Variants in CDH13 observed in about 807,000 individuals in gnomAD.
The protein encoded by CDH13 is cadherin-13.
Under a neutral mutation model 63.8 loss-of-function variants are expected in CDH13, and 24 were observed. The ratio of observed to expected loss-of-function variants is 0.38; its 90% CI spans 0.27 to 0.53. The LOEUF is 0.53. CDH13 is among the 20% of genes least tolerant of loss of function. CDH13 has a pLI of 0.85. For missense variants in CDH13, 1,049 were observed against 903.1 expected, an observed-to-expected ratio of 1.16 and a Z score of -2.07; for synonymous variants, 503 against 355.3, an observed-to-expected ratio of 1.42 and a Z score of -4.67.
chr16:83,516,860 GA>G (rs1442297020), intron 7 of CDH13, among the ~76,000 whole-genome samples: 1 of 152,238 alleles, frequency 6.6e-6, no homozygotes, highest in Non-Finnish European at 1.5e-5. Context: ...CCTTGTTGGG[GA>G]AAGCAAGGAG....
At chr16:83,727,880 C>T (rs1314273808) in intron 10 of CDH13, among the ~76,000 whole-genome samples, 4 of 152,056 alleles carry the variant, frequency 2.6e-5, no homozygotes, top group South Asian at 2.1e-4. Context: ...CATTCCCGCC[C>T]GCTGCTAATG....
intron 5 of CDH13, among the ~76,000 whole-genome samples, chr16:83,268,593 G>GT (rs965283436): frequency 1.3e-5 from 2 of 152,108 alleles, no homozygotes; most frequent in South Asian, 2.1e-4. Flanking sequence ...ACGTTTCTAC[G>GT]TTTTTTTGAC....
intron 5 of CDH13, among the ~76,000 whole-genome samples, chr16:83,264,851 A>G (rs530210644): frequency 6.6e-6 from 1 of 152,164 alleles, no homozygotes; most frequent in Non-Finnish European, 1.5e-5. Flanking sequence ...CTCCTATTAA[A>G]ACTAAAGATA....
At chr16:82,665,859 A>C (rs980360800) in intron 1 of CDH13, among the ~76,000 whole-genome samples, 2 of 152,112 alleles carry the variant, frequency 1.3e-5, no homozygotes, top group African/African-American at 4.8e-5. Flanking sequence ...TACAAAGCCC[A>C]TTTTATAATG....
intron 4 of CDH13, among the ~76,000 whole-genome samples, chr16:83,154,445 T>C (rs1357612551): frequency 6.6e-6 from 1 of 151,766 alleles, no homozygotes; most frequent in Non-Finnish European, 1.5e-5. Context: ...CATACACCTG[T>C]GGTCCCAGCT....
intron 1 of CDH13, among the ~76,000 whole-genome samples, chr16:82,780,234 T>C (rs535436870): frequency 2.6e-5 from 4 of 152,138 alleles, no homozygotes; most frequent in Admixed American, 1.3e-4. Context: ...TACAACAACA[T>C]TGGTTTACTT....
At chr16:82,669,946 C>A (rs114713066) in intron 1 of CDH13, among the ~76,000 whole-genome samples, 1 of 152,204 alleles carries the variant, frequency 6.6e-6, no homozygotes, top group Non-Finnish European at 1.5e-5. Context: ...GAATTTCTTG[C>A]AGCCTGTACA....
At chr16:82,730,262 C>G (rs2033329730) in intron 1 of CDH13, among the ~76,000 whole-genome samples, 1 of 152,210 alleles carries the variant, frequency 6.6e-6, no homozygotes, top group African/African-American at 2.4e-5. Context: ...ACTTTCCTCA[C>G]TAAGAAGCTT....
intron 2 of CDH13, among the ~76,000 whole-genome samples, chr16:82,943,036 G>A (rs774379587): frequency 1.3e-5 from 2 of 152,172 alleles, no homozygotes; most frequent in Non-Finnish European, 2.9e-5. Context: ...TAATATGACA[G>A]CTCTGCCTTA....
intron 4 of CDH13, among the ~76,000 whole-genome samples, chr16:83,204,653 C>T (rs2039130783): frequency 6.6e-6 from 1 of 152,180 alleles, no homozygotes; most frequent in Non-Finnish European, 1.5e-5. Context: ...CTAAACCCTG[C>T]TCTGCTAAAT....
intron 7 of CDH13, among the ~76,000 whole-genome samples, chr16:83,520,406 C>T (rs970075606): frequency 6.6e-6 from 1 of 152,092 alleles, no homozygotes; most frequent in Admixed American, 6.5e-5. Context: ...CTGCTGGAGA[C>T]TGGGAATGTT....
At chr16:83,792,593 T>A (rs1597242686) in intron 13 of CDH13, among the ~76,000 whole-genome samples, 1 of 152,096 alleles carries the variant, frequency 6.6e-6, no homozygotes, top group South Asian at 2.1e-4. Flanking sequence ...AGGGTAAGGG[T>A]GCTGCTAAGC....
At chr16:82,923,427 G>C (rs1267782380) in intron 2 of CDH13, among the ~76,000 whole-genome samples, 3 of 152,202 alleles carry the variant, frequency 2.0e-5, no homozygotes, top group Non-Finnish European at 2.9e-5. Flanking sequence ...AATAAAGCCA[G>C]ACAAGAACAT....
intron 1 of CDH13, among the ~76,000 whole-genome samples, chr16:82,777,505 T>C (rs191291324): frequency 1.3e-5 from 2 of 152,320 alleles, no homozygotes; most frequent in African/African-American, 4.8e-5. Flanking sequence ...AAACATCAGG[T>C]AGATGCAATA....
At position 83,376,989 on chromosome 16, in the gene CDH13, T is replaced by C. The variant is rs184203084; in HGVS notation, c.781+31983T>C. On this transcript the variant is annotated intron_variant, in intron 6 of 13. Transcript: ENST00000567109. The stretch of plus-strand genomic sequence containing the variant: ...AGCTATATGAAAGGGCCTTGAAGGA[T>C]GACATACTGTATGAACAGAGAGGTC... Among the ~76,000 whole-genome samples, 237 of 152,174 alleles carry C rather than the reference T, an allele frequency of 1.6e-3. 1 individual carries two copies. The highest frequency in any genetic ancestry group is 5.4e-3 in the African/African-American group (225 of 41,524).
rs572202739 is a variant in CDH13, at chr16:83,441,213, T to C, written c.782-45264T>C. Among the ~76,000 whole-genome samples, 12 of 152,320 alleles carry C rather than the reference T, an allele frequency of 7.9e-5. No homozygotes were observed. The South Asian group carries it at 1.0e-3, about 13-fold the overall frequency. On this transcript the variant is annotated intron_variant, in intron 6 of 13. Coordinates refer to ENST00000567109, the MANE Select transcript of CDH13 (RefSeq NM_001257.5). ...TCCAGAGACTCCTCTCGCCTGTCAT[T>C]TGTTGGCACTCAATCTCTACCTGTT...
At chr16:83,577,454 C>T (rs890689192) in intron 7 of CDH13, among the ~76,000 whole-genome samples, 37 of 152,354 alleles carry the variant, frequency 2.4e-4, no homozygotes, top group African/African-American at 8.9e-4. Flanking sequence ...TATAAATGCT[C>T]AGACCTGCAC....
rs146259792 is a variant in CDH13 at position 83,314,204 on chromosome 16, C to T, written c.637-30658C>T. Among the ~76,000 whole-genome samples, 158 of 152,210 alleles carry T rather than the reference C, an allele frequency of 1.0e-3. 1 individual carries two copies. The highest frequency in any genetic ancestry group is 0.01 in the Middle Eastern group (3 of 294). ...TTCACTCCCAACACACTTTGGGAAA[C>T]GGACAATCTATAATATCTTCTCTCT... On this transcript the variant is annotated intron_variant, in intron 5 of 13. Coordinates refer to ENST00000567109, the MANE Select transcript of CDH13 (RefSeq NM_001257.5).
At chr16:83,529,130 G>A (rs1046050018) in intron 7 of CDH13, among the ~76,000 whole-genome samples, 8 of 148,634 alleles carry the variant, frequency 5.4e-5, no homozygotes, top group Non-Finnish European at 8.9e-5. Flanking sequence ...AGATCTAGGC[G>A]AGCTTGCTTC....
Sources: allele counts gnomAD v4.1 joint callset (sites outside exome capture counted in the v4.1 genomes callset), GRCh38; gene constraint gnomAD v4.1.1; transcripts MANE v1.5; gene names NCBI Gene and HGNC (gene_info 2026-07-23, HGNC 2026-07-21).